The following GPATCH1 variants were observed in gnomAD, a reference collection of about 807,000 sequenced individuals.
GPATCH1 encodes G patch domain-containing protein 1.
GPATCH1 carries 73 observed loss-of-function variants against 114.9 expected under a neutral mutation model. That is an observed-to-expected ratio of 0.64 (90% confidence interval 0.53 to 0.77). The LOEUF (loss-of-function observed/expected upper bound fraction) is 0.77. Among genes scored for constraint, GPATCH1 ranks in the 30% least tolerant of loss-of-function variants. The probability of loss-of-function intolerance (pLI) is 0.00; values close to 1 mark genes in which losing one functional copy is unlikely to be tolerated. For missense variants in GPATCH1, 1,058 were observed against 1,144.3 expected, an observed-to-expected ratio of 0.92 and a Z score of 1.09; for synonymous variants, 391 against 428.4, an observed-to-expected ratio of 0.91 and a Z score of 1.08.
chr19:33,108,939 G>C (rs1972817972), intron 10 of GPATCH1, among the ~76,000 whole-genome samples: 1 of 152,186 alleles, frequency 6.6e-6, no homozygotes, highest in South Asian at 2.1e-4. Flanking sequence ...AGGAATCTTG[G>C]CTGGACACAG....
chr19:33,118,736 G>A (rs1389973186), intron 16 of GPATCH1, among the ~76,000 whole-genome samples: 3 of 152,132 alleles, frequency 2.0e-5, no homozygotes, highest in African/African-American at 7.2e-5. Flanking sequence ...GGTCTTAGGG[G>A]CGCTAGGCTA....
At chr19:33,104,109 C>T (rs985137311) in intron 9 of GPATCH1, among the ~76,000 whole-genome samples, 1 of 151,526 alleles carries the variant, frequency 6.6e-6, no homozygotes, top group African/African-American at 2.4e-5. Flanking sequence ...GCGGGCAGAT[C>T]GCTAGAGTCC....
rs537546238 is a variant in GPATCH1, at chr19:33,091,459, A to G, written c.294+594A>G. On this transcript the variant is annotated intron_variant, in intron 3 of 19. Coordinates refer to ENST00000170564, the MANE Select transcript of GPATCH1 (RefSeq NM_018025.3). ...AAAAAGTAAAGCCTCTATTGCCTCAAAAGCTCAGTATCCATGGTGCTGGGT... is the reference window on the plus strand; with the variant it reads ...AAAAAGTAAAGCCTCTATTGCCTCAGAAGCTCAGTATCCATGGTGCTGGGT... 4.0e-5 allele frequency among the ~76,000 whole-genome samples: 6 copies of G among 151,568 alleles called. No individual in the cohort carries two copies. The South Asian group carries it at 1.0e-3, about 26-fold the overall frequency.
intron 1 of GPATCH1, among the ~76,000 whole-genome samples, chr19:33,087,564 C>T (rs7251626): frequency 3.9e-5 from 6 of 151,914 alleles, no homozygotes; most frequent in Non-Finnish European, 7.4e-5. Flanking sequence ...GATGGTGTGA[C>T]GTTCTAGAAG....
intron 15 of GPATCH1, among the ~76,000 whole-genome samples, chr19:33,116,273 C>A (rs1972915030): frequency 6.6e-6 from 1 of 152,166 alleles, no homozygotes; most frequent in Admixed American, 6.5e-5. Flanking sequence ...TTTAAAAGAA[C>A]CGATGCAGAG....
At chr19:33,097,266 G>T (rs1972672074) in intron 7 of GPATCH1, among the ~76,000 whole-genome samples, 1 of 150,876 alleles carries the variant, frequency 6.6e-6, no homozygotes. Flanking sequence ...TTATAAACGT[G>T]TTTTTTTTTC....
intron 1 of GPATCH1, among the ~76,000 whole-genome samples, chr19:33,085,596 A>C (rs946857956): frequency 6.6e-6 from 1 of 152,156 alleles, no homozygotes; most frequent in African/African-American, 2.4e-5. Context: ...AAGGAACAGT[A>C]TAGGAGGCAT....
intron 1 of GPATCH1, 57 bp downstream of exon 1, chr19:33,081,323 C>A: frequency 7.1e-7 from 1 of 1,402,436 alleles, no homozygotes; most frequent in South Asian, 1.2e-5. Context: ...GCCCAGGATT[C>A]GGGCCACAAA....
At chr19:33,128,324 G>C (rs1391383759) in intron 19 of GPATCH1, among the ~76,000 whole-genome samples, 2 of 152,086 alleles carry the variant, frequency 1.3e-5, no homozygotes, top group Non-Finnish European at 2.9e-5. Flanking sequence ...GCAGTGGCGC[G>C]ATCTTGGCTC....
At chr19:33,120,850 C>T (rs1451457026) in intron 17 of GPATCH1, among the ~76,000 whole-genome samples, 1 of 151,740 alleles carries the variant, frequency 6.6e-6, no homozygotes, top group East Asian at 2.0e-4. Context: ...ATTAGCCGGA[C>T]GTGGTGGCAT....
chr19:33,090,870 G>A lies in GPATCH1; in HGVS notation c.294+5G>A. On this transcript the variant is annotated splice_donor_5th_base_variant and intron_variant, in intron 3 of 19. Coordinates refer to ENST00000170564, the MANE Select transcript of GPATCH1 (RefSeq NM_018025.3). Reference sequence around the variant, plus strand: ...GAAGATTTTATGGATGAAGAGGTGCGTGTGCAAAACTTTAATTGCCAATTA... The same window carrying A: ...GAAGATTTTATGGATGAAGAGGTGCATGTGCAAAACTTTAATTGCCAATTA... 2 of 1,599,936 alleles carry A rather than the reference G, an allele frequency of 1.3e-6. No homozygotes were observed. Among genetic ancestry groups the A allele is most frequent in the Non-Finnish European group, 1.7e-6 (2 of 1,167,492 alleles).
At chr19:33,122,603 G>A (rs917273677) in intron 17 of GPATCH1, among the ~76,000 whole-genome samples, 6 of 152,110 alleles carry the variant, frequency 3.9e-5, no homozygotes, top group African/African-American at 1.2e-4. Flanking sequence ...GATTACAGGC[G>A]TGAGCCACCA....
intron 1 of GPATCH1, among the ~76,000 whole-genome samples, chr19:33,082,204 G>A (rs1029998758): frequency 2.0e-5 from 3 of 152,142 alleles, no homozygotes; most frequent in Non-Finnish European, 4.4e-5. Flanking sequence ...GTGGAATGTG[G>A]GGGTGAGGGG....
At chr19:33,096,550 T>C (rs536971701) in intron 7 of GPATCH1, 104 bp downstream of exon 7, 15 of 941,874 alleles carry the variant, frequency 1.6e-5, no homozygotes, top group Non-Finnish European at 2.3e-5. Context: ...TTTTTCCCCC[T>C]AATCCTCAAG....
intron 9 of GPATCH1, among the ~76,000 whole-genome samples, chr19:33,106,095 C>T (rs569238891): frequency 1.6e-4 from 25 of 152,206 alleles, no homozygotes; most frequent in Admixed American, 1.4e-3. Flanking sequence ...GTGATCCACC[C>T]GCCTTGGTCT....
At chr19:33,104,948 C>G (rs1479566890) in intron 9 of GPATCH1, among the ~76,000 whole-genome samples, 1 of 152,108 alleles carries the variant, frequency 6.6e-6, no homozygotes, top group Non-Finnish European at 1.5e-5. Context: ...TTAGTACTTT[C>G]CTTTACCTTG....
intron 1 of GPATCH1, among the ~76,000 whole-genome samples, chr19:33,085,935 C>T (rs1485269340): frequency 4.6e-5 from 7 of 152,184 alleles, no homozygotes; most frequent in African/African-American, 1.4e-4. Flanking sequence ...CTTATCTCCC[C>T]TTTGAGATCA....
chr19:33,081,217 C>A lies in GPATCH1; in HGVS notation c.24C>A (p.Ser8Arg). The change falls in exon 1 of 20, where the codon AGC becomes AGA. Residue 8 changes from serine (S) to arginine (R), a missense_variant. This residue lies in a region of GPATCH1 where 131 missense variants were observed against 107.2 expected (regional missense o/e 1.22). Transcript: ENST00000170564. ...GGATGGCGGCGCGGGACAGTGACAG[C>A]GAAGAAGATCTGGTCAGCTATGGGA... is the stretch of plus-strand genomic sequence containing the variant. MAARDSD[S>R]EEDLVSYGTG... 6.4e-7 allele frequency: 1 copy of A among 1,551,644 alleles called. No homozygotes were observed. The highest frequency in any genetic ancestry group is 2.0e-5 in the Admixed American group (1 of 51,006).
At position 33,125,070 on chromosome 19, in the gene GPATCH1, A is replaced by G. The variant is rs1192607291; in HGVS notation, c.2522-35A>G. 5.1e-6 allele frequency: 8 copies of G among 1,568,352 alleles called. No homozygotes were observed. In the Middle Eastern group the frequency reaches 5.0e-4, roughly 98 times the overall value. On this transcript the variant is annotated intron_variant, in intron 17 of 19. Coordinates refer to ENST00000170564, the MANE Select transcript of GPATCH1 (RefSeq NM_018025.3). ...TTTGGATAGTCTTTGTTTTCGTGCT[A>G]TATAGGTCCTGTGTTTATTACCTTT...
Sources: gnomAD v4.1 joint callset for allele counts (sites outside exome capture counted in the v4.1 genomes callset) on GRCh38, gnomAD v4.1.1 for gene constraint, gnomAD v4.1.1 regional missense constraint, MANE v1.5 for transcripts, NCBI Gene and HGNC (gene_info 2026-07-23, HGNC 2026-07-21) for gene names.